The following PTPN21 variants were observed in gnomAD, a reference collection of about 807,000 sequenced individuals.
The protein encoded by PTPN21 is tyrosine-protein phosphatase non-receptor type 21.
A neutral mutation model predicts 131.8 loss-of-function variants in PTPN21; 77 were observed. The ratio of observed to expected loss-of-function variants is 0.58; its 90% CI spans 0.49 to 0.71. The LOEUF is 0.71. Ranked by LOEUF, PTPN21 falls within the 30% of genes least tolerant of loss-of-function variation. The pLI is 0.00. For synonymous variants in PTPN21, 715 were observed against 621.3 expected (o/e 1.15, Z -2.24); for missense variants, 1,552 against 1,527.1 (o/e 1.02, Z -0.27).
chr14:88,484,185 C>T (rs906178737), intron 12 of PTPN21, among the ~76,000 whole-genome samples: 1 of 150,270 alleles, frequency 6.7e-6, no homozygotes, highest in East Asian at 1.9e-4. Flanking sequence ...GTAGCTGGGA[C>T]TGGAGGTGCA....
At chr14:88,500,363 A>G (rs1168711726) in intron 8 of PTPN21, among the ~76,000 whole-genome samples, 1 of 152,194 alleles carries the variant, frequency 6.6e-6, no homozygotes, top group Non-Finnish European at 1.5e-5. Flanking sequence ...CTGGGAGGTC[A>G]AGGCTGCAGT....
rs2077580994 is a variant in PTPN21 at position 88,478,590 on chromosome 14, TAAAGTAATGAAATCTTAAC to T, written c.2511+311_2511+329del. Reference sequence around the variant, plus strand: ...AATGGGTGGCTAAAGCAATCGTGGCTAAAGTAATGAAATCTTAACTGTCTTTCCCTTAACAGTGCATTAC... The same window carrying T: ...AATGGGTGGCTAAAGCAATCGTGGCTTGTCTTTCCCTTAACAGTGCATTAC... On this transcript the variant is annotated intron_variant, in intron 13 of 18. Coordinates refer to ENST00000556564, the MANE Select transcript of PTPN21 (RefSeq NM_007039.4). Among the ~76,000 whole-genome samples, 3 of 152,338 alleles carry T rather than the reference TAAAGTAATGAAATCTTAAC, an allele frequency of 2.0e-5. No homozygotes were observed. In the South Asian group the frequency reaches 6.2e-4, roughly 32 times the overall value.
At position 88,550,259 on chromosome 14, in the gene PTPN21, G is replaced by A. The variant is rs768547898; in HGVS notation, c.159C>T (p.Ala53=). Residue 53 remains alanine (A), a synonymous_variant, in exon 2 of 19, where the codon GCC becomes GCT. Transcript: ENST00000556564. ...TTACCTCCCGCAGCTCCAGCCTCTG[G>A]GCCACGGCCTCGAGGCTTTCCTGGC... The part of the protein sequence containing the change: ...STGQESLEAV[A]QRLELREVTY... The A allele has an allele frequency of 6.2e-7, 1 of 1,613,942 alleles. No individual in the cohort carries two copies. The highest frequency in any genetic ancestry group is 1.1e-5 in the South Asian group (1 of 91,066).
chr14:88,548,701 G>A (rs2078818039), intron 2 of PTPN21, among the ~76,000 whole-genome samples: 1 of 152,134 alleles, frequency 6.6e-6, no homozygotes. Flanking sequence ...GACTTTTTAG[G>A]TGGAATAACC....
intron 8 of PTPN21, among the ~76,000 whole-genome samples, chr14:88,497,987 G>C (rs1473096769): frequency 2.0e-5 from 3 of 152,006 alleles, no homozygotes. Flanking sequence ...TGCAATCCCA[G>C]CTACTTGGGA....
At position 88,508,017 on chromosome 14, in the gene PTPN21, A is replaced by G. The variant is rs775718542; in HGVS notation, c.354T>C (p.Tyr118=). Residue 118 remains tyrosine (Y), a synonymous_variant, in exon 4 of 19, where the codon TAT becomes TAC. Coordinates refer to ENST00000556564, the MANE Select transcript of PTPN21 (RefSeq NM_007039.4). ...CTTTCTTCAGTTGCAGATAATACTG[A>G]TACCTATAAAAAATGTCAGTTGTAT... is the stretch of plus-strand genomic sequence containing the variant. ...VSQLQQEITR[Y]QYYLQLKKDI... The G allele has an allele frequency of 6.4e-7, 1 of 1,557,562 alleles. No homozygotes were observed. Among genetic ancestry groups the G allele is most frequent in the Non-Finnish European group, 8.8e-7 (1 of 1,135,088 alleles).
chr14:88,468,370 G>A (rs752460122), intron 18 of PTPN21, 105 bp from the exon 19 acceptor site: 39 of 1,135,902 alleles, frequency 3.4e-5, no homozygotes, highest in Non-Finnish European at 3.9e-5. Context: ...GAGATGGACA[G>A]TCTCTTTTCC....
intron 2 of PTPN21, among the ~76,000 whole-genome samples, chr14:88,523,292 AC>A (rs912710340): frequency 3.1e-4 from 47 of 152,112 alleles, no homozygotes; most frequent in African/African-American, 1.0e-3. Context: ...GGTAAAACAT[AC>A]CCCCCAAAAT....
chr14:88,540,617 A>T (rs1349366370), intron 2 of PTPN21, among the ~76,000 whole-genome samples: 1 of 152,252 alleles, frequency 6.6e-6, no homozygotes, highest in African/African-American at 2.4e-5. Flanking sequence ...TTGACAAGTC[A>T]ACGAAGTCTG....
chr14:88,549,967 GT>G (rs771254416), intron 2 of PTPN21, among the ~76,000 whole-genome samples: 1 of 152,092 alleles, frequency 6.6e-6, no homozygotes, highest in Non-Finnish European at 1.5e-5. Context: ...TGTATTTTTA[GT>G]AGACATGGGG....
chr14:88,497,168 A>C (rs1406851775), intron 9 of PTPN21, 35 bp downstream of exon 9: 2 of 1,518,474 alleles, frequency 1.3e-6, no homozygotes, highest in Non-Finnish European at 1.8e-6. Context: ...ACTTTTAGGA[A>C]AAACATTCCA....
intron 4 of PTPN21, among the ~76,000 whole-genome samples, chr14:88,506,421 C>G (rs1163510183): frequency 6.6e-6 from 1 of 152,016 alleles, no homozygotes. Flanking sequence ...TTCAAAAATG[C>G]TGGTGAAATG....
At chr14:88,471,787 G>C (rs1049107228) in intron 15 of PTPN21, among the ~76,000 whole-genome samples, 1 of 152,096 alleles carries the variant, frequency 6.6e-6, no homozygotes, top group African/African-American at 2.4e-5. Flanking sequence ...GAGCTAAAAA[G>C]AGGTCTTCAG....
intron 2 of PTPN21, among the ~76,000 whole-genome samples, chr14:88,518,302 A>ACACATGTG (rs1595392783): frequency 9.6e-6 from 1 of 104,080 alleles, no homozygotes; most frequent in South Asian, 3.2e-4. Flanking sequence ...ACACACACAC[A>ACACATGTG]TATATGTGTA....
intron 2 of PTPN21, among the ~76,000 whole-genome samples, chr14:88,544,760 T>G (rs1372106822): frequency 6.6e-6 from 1 of 152,200 alleles, no homozygotes. Flanking sequence ...AAAGGTGCCC[T>G]GACTCAAAGG....
chr14:88,547,558 C>A, intron 2 of PTPN21: 1 of 414,936 alleles, frequency 2.4e-6, no homozygotes, highest in South Asian at 1.8e-5. Context: ...CAGGCTAAGG[C>A]AAAAGGATCA....
intron 1 of PTPN21, among the ~76,000 whole-genome samples, chr14:88,553,798 C>T (rs940643834): frequency 7.2e-5 from 11 of 152,072 alleles, no homozygotes; most frequent in African/African-American, 1.2e-4. Context: ...TACAGCGTTT[C>T]CCCTTTCCTA....
intron 10 of PTPN21, 95 bp from the exon 11 acceptor site, chr14:88,485,937 C>A: frequency 1.3e-6 from 1 of 756,502 alleles, no homozygotes; most frequent in Non-Finnish European, 2.1e-6. Context: ...TAAATCTTCT[C>A]AGGCAAAAAA....
intron 2 of PTPN21, among the ~76,000 whole-genome samples, chr14:88,546,550 T>A (rs1333130878): frequency 1.4e-5 from 2 of 138,938 alleles, no homozygotes; most frequent in East Asian, 4.2e-4. Flanking sequence ...TACTCCAGCC[T>A]GGGCAAAAGA....
Sources: gnomAD v4.1 joint callset for allele counts (sites outside exome capture counted in the v4.1 genomes callset) on GRCh38, gnomAD v4.1.1 for gene constraint, MANE v1.5 for transcripts, NCBI Gene and HGNC (gene_info 2026-07-23, HGNC 2026-07-21) for gene names.